BTAF1: variants seen among roughly 807,000 people sequenced by gnomAD.
The protein encoded by BTAF1 is B-TFIID TATA-box binding protein associated factor 1, also known as TATA-binding protein-associated factor 172.
BTAF1 carries 38 observed loss-of-function variants against 227.1 expected under a neutral mutation model. That is an observed-to-expected ratio of 0.17 (90% CI 0.13 to 0.22). The LOEUF is 0.22. Among genes scored for constraint, BTAF1 ranks in the 10% least tolerant of loss-of-function variants. The probability of loss-of-function intolerance (pLI) is 1.00; values close to 1 mark genes in which losing one functional copy is unlikely to be tolerated. For synonymous variants in BTAF1, 742 were observed against 751.9 expected (o/e 0.99, Z 0.21); for missense variants, 1,598 against 2,204.0 (o/e 0.73, Z 5.51).
At chr10:91,951,314 T>C in intron 4 of BTAF1, 89 bp from the exon 5 acceptor site, 2 of 1,343,442 alleles carry the variant, frequency 1.5e-6, no homozygotes, top group South Asian at 1.4e-5. Flanking sequence ...ATGCTTTGTG[T>C]ATTTTTTTAT....
At chr10:91,952,148 GTGTGTGTGTGTT>G (rs1212693979) in intron 5 of BTAF1, among the ~76,000 whole-genome samples, 1 of 148,568 alleles carries the variant, frequency 6.7e-6, no homozygotes, top group African/African-American at 2.5e-5. Context: ...ATGTATATGT[GTGTGTGTGTGTT>G]TGTGTGTGTG....
intron 4 of BTAF1, among the ~76,000 whole-genome samples, chr10:91,943,529 A>G (rs1387875016): frequency 6.6e-6 from 1 of 152,186 alleles, no homozygotes; most frequent in Non-Finnish European, 1.5e-5. Flanking sequence ...ATTAATCGTC[A>G]TTTAGAGGCT....
intron 12 of BTAF1, among the ~76,000 whole-genome samples, chr10:91,963,418 CAAA>C (rs71025375): frequency 4.7e-5 from 6 of 127,174 alleles, no homozygotes; most frequent in Admixed American, 1.5e-4. Context: ...GACTCCGTCT[CAAA>C]AAAAAAAAAA....
At chr10:92,017,834 T>G (rs1850849583) in intron 33 of BTAF1, among the ~76,000 whole-genome samples, 1 of 152,176 alleles carries the variant, frequency 6.6e-6, no homozygotes, top group South Asian at 2.1e-4. Context: ...TTAATCCTAG[T>G]GCTCAGCACT....
chr10:91,995,312 ATTTT>A (rs112027641), intron 23 of BTAF1, among the ~76,000 whole-genome samples: 4 of 147,804 alleles, frequency 2.7e-5, no homozygotes, highest in Admixed American at 6.8e-5. Flanking sequence ...AGAAGAATGG[ATTTT>A]TTTTTTTGTA....
intron 1 of BTAF1, among the ~76,000 whole-genome samples, chr10:91,930,908 C>G (rs1256589991): frequency 2.6e-5 from 4 of 152,118 alleles, no homozygotes; most frequent in Admixed American, 6.5e-5. Context: ...GGTATTCTGT[C>G]AGTTGACCTT....
intron 18 of BTAF1, among the ~76,000 whole-genome samples, chr10:91,983,558 T>C (rs1848204670): frequency 6.6e-6 from 1 of 152,200 alleles, no homozygotes; most frequent in Non-Finnish European, 1.5e-5. Context: ...TGATGCTATG[T>C]TTTTGTGCCT....
chr10:91,933,480 T>C (rs951541019), intron 1 of BTAF1, among the ~76,000 whole-genome samples: 1 of 152,142 alleles, frequency 6.6e-6, no homozygotes, highest in African/African-American at 2.4e-5. Context: ...TCTCCCGATA[T>C]TCATATTAAG....
chr10:91,982,735 A>G lies in BTAF1; in HGVS notation c.2197A>G (p.Ile733Val). 6.2e-7 allele frequency: 1 copy of G among 1,612,228 alleles called. No homozygotes were observed. ...ACAGAGGATTAGTGTAGCTTTGGTA[A>G]TCTGTGAATGGGCTGCTTTACAAAA... The part of the protein sequence containing the change: ...ALQRISVALV[I>V]CEWAALQKEC... Residue 733 changes from isoleucine to valine, a missense_variant, in exon 18 of 38, where the codon ATC becomes GTC. Physicochemically the swap from Ile to Val is conservative, Grantham distance 29. Coordinates refer to ENST00000265990, the MANE Select transcript of BTAF1 (RefSeq NM_003972.3).
chr10:91,972,929 C>A (rs956584442), intron 14 of BTAF1, among the ~76,000 whole-genome samples: 1 of 152,130 alleles, frequency 6.6e-6, no homozygotes, highest in Middle Eastern at 3.2e-3. Context: ...ATATAATATA[C>A]ACTGTATACA....
intron 11 of BTAF1, 87 bp downstream of exon 11, chr10:91,960,241 ATTC>A: frequency 1.5e-6 from 2 of 1,378,746 alleles, no homozygotes; most frequent in Non-Finnish European, 2.0e-6. Flanking sequence ...ATGGCCGTAG[ATTC>A]TTACTGTTAC....
intron 14 of BTAF1, among the ~76,000 whole-genome samples, chr10:91,973,882 C>A (rs1214781509): frequency 8.0e-6 from 1 of 124,344 alleles, no homozygotes; most frequent in Non-Finnish European, 1.6e-5. Flanking sequence ...CCAGCCTGGG[C>A]GACAGAGCGA....
rs746217512 is a variant in BTAF1, at chr10:91,964,052, CT to C, written c.1405-21del. On this transcript the variant is annotated intron_variant, in intron 12 of 37. Coordinates refer to ENST00000265990, the MANE Select transcript of BTAF1 (RefSeq NM_003972.3). ...TGAGTATTTTGTGCAAAATTGATAA[CT>C]TTTCTTGAAAACTGATCTTATAGGT... The C allele has an allele frequency of 3.1e-6, 5 of 1,610,438 alleles. No individual in the cohort carries two copies. In the Admixed American group the frequency reaches 8.5e-5, roughly 27 times the overall value.
Position 92,026,612 on chromosome 10 carries a change from T to C in BTAF1, c.5096T>C (p.Ile1699Thr). 6.2e-7 allele frequency: 1 copy of C among 1,613,644 alleles called. No individual in the cohort carries two copies. Among genetic ancestry groups the C allele is most frequent in the African/African-American group, 1.3e-5 (1 of 75,032 alleles). ...TTTAGGTTTAATAATGATCCATCTA[T>C]AGACGTTCTGTTACTTACCACTCAC... is the stretch of plus-strand genomic sequence containing the variant. ...IVSRFNNDPS[I>T]DVLLLTTHVG... Residue 1699 changes from isoleucine (I) to threonine (T), a missense_variant, in exon 36 of 38, where the codon ATA (isoleucine) becomes ACA (threonine). Physicochemically the swap from Ile to Thr is moderately conservative, Grantham distance 89. Transcript: ENST00000265990.
rs561739215 is a variant in BTAF1 at position 92,024,693 on chromosome 10, A to G, written c.4864-63A>G. 843 of 1,334,228 alleles carry G rather than the reference A, an allele frequency of 6.3e-4. 1 individual carries two copies. The highest frequency in any genetic ancestry group is 8.0e-4 in the Non-Finnish European group (776 of 964,304). 82.6% of individuals were successfully genotyped at this position (1,334,228 alleles called of 1,614,324 possible). On this transcript the variant is annotated intron_variant, in intron 34 of 37. Coordinates refer to ENST00000265990, the MANE Select transcript of BTAF1 (RefSeq NM_003972.3). ...TTCTTGCCACAGAGAGGAATGTCAC[A>G]GTGAGATTAGTTTTCTGCTTTTATT...
chr10:91,994,260 A>G (rs1161000690), intron 22 of BTAF1, among the ~76,000 whole-genome samples: 2 of 151,970 alleles, frequency 1.3e-5, no homozygotes, highest in Non-Finnish European at 2.9e-5. Flanking sequence ...AGATTATGCC[A>G]CTGCACTGCA....
In BTAF1 at chr10:91,982,664, C is replaced by T; in HGVS notation, c.2126C>T (p.Ser709Phe). Reference sequence around the variant, plus strand: ...ACTCAAGAAATTAAACCAGCTGAATCCCTGGGCCAGTTACTACTCTTCCAT... The same window carrying T: ...ACTCAAGAAATTAAACCAGCTGAATTCCTGGGCCAGTTACTACTCTTCCAT... ...VVTQEIKPAE[S>F]LGQLLLFHLN... is the part of the protein sequence containing the mutation. Residue 709 changes from serine to phenylalanine, a missense_variant, in exon 18 of 38, where the codon TCC (serine) becomes TTC (phenylalanine). Around this residue, in one of 10 missense-constraint regions of BTAF1, gnomAD observed 318 missense variants for 435.0 expected, o/e 0.73. Coordinates refer to ENST00000265990, the MANE Select transcript of BTAF1 (RefSeq NM_003972.3). 1 of 1,613,904 alleles carries T rather than the reference C, an allele frequency of 6.2e-7. No individual in the cohort carries two copies. Among genetic ancestry groups the T allele is most frequent in the Non-Finnish European group, 8.5e-7 (1 of 1,179,886 alleles).
At chr10:91,924,956 C>A (rs1336823859) in intron 1 of BTAF1, among the ~76,000 whole-genome samples, 3 of 152,144 alleles carry the variant, frequency 2.0e-5, no homozygotes, top group Admixed American at 1.3e-4. Context: ...GAATTGGATT[C>A]TTTTACCATA....
chr10:92,005,496 CT>C (rs1430504886), intron 25 of BTAF1, among the ~76,000 whole-genome samples: 2 of 152,130 alleles, frequency 1.3e-5, no homozygotes, highest in Middle Eastern at 3.2e-3. Flanking sequence ...CCAGCAGTTT[CT>C]TTCATTAATG....
Sources: gnomAD v4.1 joint callset for allele counts (sites outside exome capture counted in the v4.1 genomes callset) on GRCh38, gnomAD v4.1.1 for gene constraint, gnomAD v4.1.1 regional missense constraint, MANE v1.5 for transcripts, NCBI Gene and HGNC (gene_info 2026-07-23, HGNC 2026-07-21) for gene names.